The following OR5BS1 variants were observed in gnomAD, a reference collection of about 807,000 sequenced individuals.
OR5BS1 encodes the protein olfactory receptor 5BS1.
chr12:48,560,543 T>G, the OR5BS1 span: 2 of 401,764 alleles, frequency 5.0e-6, no homozygotes, highest in Non-Finnish European at 8.8e-6. Flanking sequence ...TACAGCTGTA[T>G]CATCATGACA....
At chr12:48,562,882 T>C in the OR5BS1 span, 2 of 402,052 alleles carry the variant, frequency 5.0e-6, no homozygotes, top group East Asian at 7.1e-5. Flanking sequence ...CCCCCTCATC[T>C]ACAGTCTGAA....
the OR5BS1 span, among the ~76,000 whole-genome samples, chr12:48,560,912 G>C: frequency 6.6e-6 from 1 of 152,096 alleles, no homozygotes; most frequent in Non-Finnish European, 1.5e-5. Flanking sequence ...AGACCAGCCT[G>C]GTCAACATGG....
the OR5BS1 span, chr12:48,560,722 G>A: frequency 2.5e-6 from 1 of 399,728 alleles, no homozygotes; most frequent in South Asian, 1.4e-4. Context: ...TCCGTTGGCA[G>A]AAGAGAGCAT....
chr12:48,562,828 C>T, the OR5BS1 span: 3 of 401,844 alleles, frequency 7.5e-6, no homozygotes, highest in Non-Finnish European at 1.3e-5. Context: ...AGCCCTAGAA[C>T]AAGTGCTCTC....
the OR5BS1 span, among the ~76,000 whole-genome samples, chr12:48,562,399 A>G: frequency 2.0e-5 from 3 of 152,236 alleles, no homozygotes; most frequent in Non-Finnish European, 2.9e-5. Flanking sequence ...TCCTCATATG[A>G]TCATCACAGC....
chr12:48,560,456 C>T, the OR5BS1 span: 1 of 401,684 alleles, frequency 2.5e-6, no homozygotes. Context: ...TGTTCTGACC[C>T]CTGCGCTAGC....
At chr12:48,562,743 G>A in the OR5BS1 span, 1 of 401,134 alleles carries the variant, frequency 2.5e-6, no homozygotes. Context: ...TGCCAACAGT[G>A]AGAATTGTCA....
chr12:48,560,683 A>G, the OR5BS1 span: 1 of 400,916 alleles, frequency 2.5e-6, no homozygotes, highest in East Asian at 3.6e-5. Flanking sequence ...CTGAATATAA[A>G]TGCGGGATAT....
At chr12:48,562,689 G>T in the OR5BS1 span, 1 of 398,262 alleles carries the variant, frequency 2.5e-6, no homozygotes, top group Non-Finnish European at 4.4e-6. Flanking sequence ...CAGCTCTGAA[G>T]ACCTCCTTTG....
chr12:48,562,200 A>G, the OR5BS1 span, among the ~76,000 whole-genome samples: 16 of 152,206 alleles, frequency 1.1e-4, no homozygotes, highest in Admixed American at 3.3e-4. Context: ...GAAAAATGCA[A>G]CTAAAAGGGC....
chr12:48,559,889 T>C, the OR5BS1 span: 1 of 401,380 alleles, frequency 2.5e-6, no homozygotes, highest in Non-Finnish European at 4.4e-6. Context: ...TCCATGGAAG[T>C]CAGCAACATG....
At chr12:48,560,257 A>C in the OR5BS1 span, 1 of 400,902 alleles carries the variant, frequency 2.5e-6, no homozygotes, top group Non-Finnish European at 4.4e-6. Flanking sequence ...GTTTCAGGCC[A>C]TGTGTCATCC....
chr12:48,561,163 A>C, the OR5BS1 span, among the ~76,000 whole-genome samples: 3 of 152,110 alleles, frequency 2.0e-5, no homozygotes, highest in African/African-American at 7.2e-5. Flanking sequence ...ATTCTGGAAA[A>C]TGAATTTAGA....
chr12:48,560,584 A>T, the OR5BS1 span: 1 of 401,680 alleles, frequency 2.5e-6, no homozygotes, highest in African/African-American at 2.1e-5. Context: ...TACAGGTCGG[A>T]GCAAGATCTT....
chr12:48,562,490 CT>C, the OR5BS1 span, among the ~76,000 whole-genome samples: 1 of 152,072 alleles, frequency 6.6e-6, no homozygotes, highest in South Asian at 2.1e-4. Context: ...TTTTGTTTTA[CT>C]TTTTATCTGT....
At chr12:48,561,638 A>T in the OR5BS1 span, among the ~76,000 whole-genome samples, 1 of 152,200 alleles carries the variant, frequency 6.6e-6, no homozygotes, top group Admixed American at 6.5e-5. Context: ...GCTTTCTACT[A>T]GTAAATTGAA....
the OR5BS1 span, chr12:48,562,693 T>A: frequency 2.5e-6 from 1 of 398,456 alleles, no homozygotes; most frequent in Non-Finnish European, 4.4e-6. Flanking sequence ...TCTGAAGACC[T>A]CCTTTGCAGA....
At chr12:48,559,988 T>A in the OR5BS1 span, 1 of 402,830 alleles carries the variant, frequency 2.5e-6, no homozygotes, top group East Asian at 3.6e-5. Context: ...GTGATTTACC[T>A]CTTGACTCTA....
chr12:48,559,982 T>C, the OR5BS1 span: 1 of 402,830 alleles, frequency 2.5e-6, no homozygotes. Context: ...TTCCTGGTGA[T>C]TTACCTCTTG....
Sources: allele counts gnomAD v4.1 joint callset (sites outside exome capture counted in the v4.1 genomes callset), GRCh38; gene constraint gnomAD v4.1.1; transcripts MANE v1.5; gene names NCBI Gene and HGNC (gene_info 2026-07-23, HGNC 2026-07-21).